The following PIGG variants were observed in gnomAD, a reference collection of about 807,000 sequenced individuals.
The protein encoded by PIGG is GPI ethanolamine phosphate transferase 2, catalytic subunit.
In PIGG, 70 loss-of-function variants were observed where a neutral mutation model predicts 83.2. The ratio of observed to expected loss-of-function variants is 0.84; its 90% CI spans 0.69 to 1.03. The LOEUF is 1.03. Ranked by LOEUF, PIGG falls within the 50% of genes least tolerant of loss-of-function variation. PIGG has a pLI of 0.00. For missense variants in PIGG, 1,257 were observed against 1,233.6 expected (o/e 1.02, Z -0.28); for synonymous variants, 532 against 519.5 (o/e 1.02, Z -0.33).
At chr4:536,710 C>T (rs1418773701) in intron 12 of PIGG, 1 of 152,276 alleles carries the variant, frequency 6.6e-6, no homozygotes, top group Non-Finnish European at 1.5e-5. Flanking sequence ...GGTGGGCTGT[C>T]AGCACGTCGT....
At position 523,726 on chromosome 4, in the gene PIGG, T is replaced by A. The variant is rs1402908422; in HGVS notation, c.1882T>A (p.Cys628Ser). The stretch of plus-strand genomic sequence containing the variant: ...AGCAGCGTGGCAGGACGGGCCTGGC[T>A]GTGATGTCCTGGAGCGAGACAAAGG... The part of the protein sequence containing the change: ...ATAAWQDGPG[C>S]DVLERDKGHG... The change falls in exon 9 of 13, where the codon TGT (cysteine) becomes AGT (serine). Residue 628 changes from cysteine (C) to serine (S), a missense_variant. Physicochemically the swap from Cys to Ser is moderately radical, Grantham distance 112. Transcript: ENST00000453061. The A allele has an allele frequency of 6.2e-7, 1 of 1,614,062 alleles. No individual in the cohort carries two copies. Among genetic ancestry groups the A allele is most frequent in the African/African-American group, 1.3e-5 (1 of 74,952 alleles).
intron 5 of PIGG, among the ~76,000 whole-genome samples, chr4:512,362 G>A (rs1238282937): frequency 6.6e-6 from 1 of 151,038 alleles, no homozygotes; most frequent in Non-Finnish European, 1.5e-5. Flanking sequence ...TGGGATTACA[G>A]GCACCCACCA....
chr4:503,871 C>T (rs1046460134), intron 2 of PIGG, among the ~76,000 whole-genome samples: 10 of 151,896 alleles, frequency 6.6e-5, no homozygotes, highest in Non-Finnish European at 1.5e-4. Flanking sequence ...CACACACACA[C>T]ACACACACAC....
intron 10 of PIGG, among the ~76,000 whole-genome samples, chr4:529,910 G>A (rs904614652): frequency 6.6e-6 from 1 of 152,230 alleles, no homozygotes; most frequent in African/African-American, 2.4e-5. Context: ...CGGGTTGGAT[G>A]ACTGCACCAC....
intron 9 of PIGG, among the ~76,000 whole-genome samples, chr4:526,755 C>G (rs1424570081): frequency 6.6e-6 from 1 of 151,360 alleles, no homozygotes; most frequent in Non-Finnish European, 1.5e-5. Context: ...ACCATGTGGC[C>G]CAGACTGGTC....
intron 8 of PIGG, 152 bp downstream of exon 8, chr4:522,093 G>A: frequency 1.3e-6 from 1 of 781,436 alleles, no homozygotes. Context: ...CTCAGGGAAG[G>A]ACGTGGAGCA....
At position 521,910 on chromosome 4, in the gene PIGG, A is replaced by C; in HGVS notation, c.1583A>C (p.Asn528Thr). ...LLCVIVSVLT[N>T]VLVGGNTPRK... ...TGTGTGATTGTGTCTGTTCTGACCA[A>C]CGTGCTCGTGGGTGGAAACACCCCA... The change falls in exon 8 of 13, where the codon AAC (asparagine) becomes ACC (threonine). Residue 528 changes from asparagine to threonine, a missense_variant. Physicochemically the swap from Asn to Thr is moderately conservative, Grantham distance 65. Coordinates refer to ENST00000453061, the MANE Select transcript of PIGG (RefSeq NM_001127178.3). 1 of 1,614,104 alleles carries C rather than the reference A, an allele frequency of 6.2e-7. No individual in the cohort carries two copies. The highest frequency in any genetic ancestry group is 8.5e-7 in the Non-Finnish European group (1 of 1,180,024).
chr4:508,096 G>A (rs1030197340), intron 4 of PIGG, among the ~76,000 whole-genome samples: 2 of 152,212 alleles, frequency 1.3e-5, no homozygotes, highest in South Asian at 4.1e-4. Context: ...TGAAACAGTC[G>A]ATAATCCCTC....
intron 4 of PIGG, among the ~76,000 whole-genome samples, chr4:507,970 G>A (rs1012360159): frequency 6.6e-6 from 1 of 151,834 alleles, no homozygotes; most frequent in South Asian, 2.1e-4. Flanking sequence ...GTCACTCTCT[G>A]TTCTGTGTCA....
At chr4:538,720 A>AG (rs567645120) in intron 12 of PIGG, among the ~76,000 whole-genome samples, 9 of 152,204 alleles carry the variant, frequency 5.9e-5, no homozygotes, top group Middle Eastern at 3.4e-3. Flanking sequence ...AGATTTCTGT[A>AG]GGGGGGGCTC....
chr4:514,719 T>C (rs555735273), intron 5 of PIGG, among the ~76,000 whole-genome samples: 4 of 152,348 alleles, frequency 2.6e-5, no homozygotes, highest in Admixed American at 1.3e-4. Flanking sequence ...CTGTACTTTC[T>C]TCTTCCTAAG....
intron 4 of PIGG, among the ~76,000 whole-genome samples, chr4:508,081 A>C (rs1288329704): frequency 1.3e-5 from 2 of 152,226 alleles, no homozygotes; most frequent in Non-Finnish European, 2.9e-5. Context: ...ATTTGGGTGC[A>C]TCAGTGAAAC....
chr4:499,543 AC>A (rs1553874352), intron 1 of PIGG, 54 bp downstream of exon 1: 1 of 1,488,522 alleles, frequency 6.7e-7, no homozygotes, highest in Non-Finnish European at 8.9e-7. Flanking sequence ...CCCCTAGAAG[AC>A]CTTTTTTCTG....
Position 500,687 on chromosome 4 carries a change from G to A in PIGG, c.360+86G>A, listed in dbSNP as rs1717355530. The stretch of plus-strand genomic sequence containing the variant: ...TCTCTGTAGTCTTTCGCTTGGAGTT[G>A]CAATTTTAAGAAAGTGGAAATTTTG... On this transcript the variant is annotated intron_variant, in intron 2 of 12. Coordinates refer to ENST00000453061, the MANE Select transcript of PIGG (RefSeq NM_001127178.3). 2.2e-5 allele frequency: 19 copies of A among 854,652 alleles called. No homozygotes were observed. In the East Asian group the frequency reaches 4.3e-4, roughly 19 times the overall value. The allele number at this position is 854,652 out of a possible 1,614,324, so 52.9% of individuals were successfully genotyped here. A position where few individuals can be genotyped will look rare whatever the true frequency, so the allele number is the denominator to read the frequency against.
chr4:507,704 A>G, intron 4 of PIGG, 111 bp downstream of exon 4: 2 of 936,854 alleles, frequency 2.1e-6, no homozygotes, highest in Non-Finnish European at 3.2e-6. Context: ...GTCCACCATC[A>G]GTCTGCTAGC....
At position 515,609 on chromosome 4, in the gene PIGG, C is replaced by G. The variant is rs1207932153; in HGVS notation, c.902-364C>G. ...GCCGGGCTGTCAGCGATCCCAGCCT[C>G]ACTTCATTCTCCGGTTGGCTGTTGA... is the stretch of plus-strand genomic sequence containing the variant. On this transcript the variant is annotated intron_variant, in intron 5 of 12. Coordinates refer to ENST00000453061, the MANE Select transcript of PIGG (RefSeq NM_001127178.3). This position sits in a 1 kb window ranked among gnomAD's most constrained non-coding sequence, Gnocchi z 4.2. Among the ~76,000 whole-genome samples the G allele has an allele frequency of 6.6e-6, 1 of 152,252 alleles. No individual in the cohort carries two copies. The highest frequency in any genetic ancestry group is 1.5e-5 in the Non-Finnish European group (1 of 68,042).
rs918332756 is a variant in PIGG at position 527,250 on chromosome 4, G to A, written c.2261+20G>A. ...TTCCAAGTAAGTGCGTGGCGGACAC[G>A]GGGTGCATAGAGCCACTTTACTGTT... On this transcript the variant is annotated intron_variant, in intron 10 of 12. Transcript: ENST00000453061. 24 of 1,554,584 alleles carry A rather than the reference G, an allele frequency of 1.5e-5. No homozygotes were observed. The highest frequency in any genetic ancestry group is 3.9e-5 in the Admixed American group (2 of 51,908).
At chr4:537,539 T>C (rs11936548) in intron 12 of PIGG, among the ~76,000 whole-genome samples, 28,579 of 152,038 alleles carry the variant, frequency 0.19, 3,263 homozygotes, top group African/African-American at 0.33. Flanking sequence ...GTATTGAGGA[T>C]ACCTTGGGGT....
At chr4:527,406 T>C in intron 10 of PIGG, 176 bp downstream of exon 10, 1 of 1,347,822 alleles carries the variant, frequency 7.4e-7, no homozygotes, top group Non-Finnish European at 9.5e-7. Flanking sequence ...TACTGGAGTG[T>C]AACTAAGAAA....
Sources: allele counts gnomAD v4.1 joint callset (sites outside exome capture counted in the v4.1 genomes callset), GRCh38; gene constraint gnomAD v4.1.1; non-coding constraint Gnocchi (gnomAD v3.1); transcripts MANE v1.5; gene names NCBI Gene and HGNC (gene_info 2026-07-23, HGNC 2026-07-21).